The following RBFOX1 variants were observed in gnomAD, a reference collection of about 807,000 sequenced individuals.
The protein encoded by RBFOX1 is RNA binding protein fox-1 homolog 1.
A neutral mutation model predicts 57.7 loss-of-function variants in RBFOX1; 8 were observed. That is an observed-to-expected ratio of 0.14 (90% CI 0.08 to 0.25). The LOEUF (loss-of-function observed/expected upper bound fraction) is 0.25, where lower values mean the gene tolerates loss of function less well. Ranked by LOEUF, RBFOX1 falls within the 10% of genes least tolerant of loss-of-function variation. RBFOX1 has a pLI of 1.00. For synonymous variants in RBFOX1, 326 were observed against 222.4 expected (o/e 1.47, Z -4.15); for missense variants, 611 against 548.5 (o/e 1.11, Z -1.14).
chr16:7,609,382 G>C (rs922168388), intron 10 of RBFOX1, among the ~76,000 whole-genome samples: 1 of 152,082 alleles, frequency 6.6e-6, no homozygotes, highest in Non-Finnish European at 1.5e-5. Context: ...TTGTGCTTTC[G>C]TAGCCACAGA....
chr16:6,919,849 G>C (rs2074075106), intron 3 of RBFOX1, among the ~76,000 whole-genome samples: 1 of 144,754 alleles, frequency 6.9e-6, no homozygotes, highest in Non-Finnish European at 1.5e-5. Context: ...TTAAGTTGCT[G>C]AGTGGTGATT....
intron 3 of RBFOX1, among the ~76,000 whole-genome samples, chr16:6,700,042 AG>A (rs1304910406): frequency 1.3e-5 from 2 of 152,112 alleles, no homozygotes; most frequent in Non-Finnish European, 2.9e-5. Flanking sequence ...GGCAAGAAAA[AG>A]CTTAAAACCT....
chr16:6,777,289 T>C (rs960618112), intron 3 of RBFOX1, among the ~76,000 whole-genome samples: 1 of 152,166 alleles, frequency 6.6e-6, no homozygotes, highest in Non-Finnish European at 1.5e-5. Context: ...ATGGAGTAAT[T>C]GATTAGTACT....
intron 3 of RBFOX1, among the ~76,000 whole-genome samples, chr16:6,824,620 C>T (rs189760777): frequency 1.1e-4 from 17 of 152,272 alleles, no homozygotes; most frequent in African/African-American, 3.8e-4. Context: ...CAACAGATTA[C>T]TCTGAAGAGA....
At chr16:5,453,765 T>C (rs911208902) in intron 1 of RBFOX1, among the ~76,000 whole-genome samples, 1 of 152,194 alleles carries the variant, frequency 6.6e-6, no homozygotes, top group Non-Finnish European at 1.5e-5. Flanking sequence ...CTCTAAGCAA[T>C]GTTGCCTAAA....
At chr16:6,405,370 G>C (rs1229184146) in intron 2 of RBFOX1, among the ~76,000 whole-genome samples, 1 of 152,142 alleles carries the variant, frequency 6.6e-6, no homozygotes, top group Non-Finnish European at 1.5e-5. Context: ...ATAAAACAAA[G>C]CTTTCATATG....
chr16:6,362,736 A>C (rs2088816583), intron 2 of RBFOX1, among the ~76,000 whole-genome samples: 1 of 152,210 alleles, frequency 6.6e-6, no homozygotes, highest in Non-Finnish European at 1.5e-5. Flanking sequence ...ATGCCTGTGC[A>C]GTGGCCTGTG....
chr16:5,446,647 TGGG>T (rs2068248334), intron 1 of RBFOX1, among the ~76,000 whole-genome samples: 1 of 152,040 alleles, frequency 6.6e-6, no homozygotes, highest in Non-Finnish European at 1.5e-5. Flanking sequence ...GGCAGGTAGA[TGGG>T]GGTGTGAGAG....
At chr16:7,363,108 C>G (rs2097361475) in intron 4 of RBFOX1, among the ~76,000 whole-genome samples, 1 of 152,126 alleles carries the variant, frequency 6.6e-6, no homozygotes, top group Admixed American at 6.5e-5. Context: ...GTGGATACTG[C>G]TGCTCTTACG....
At chr16:6,260,519 T>A (rs2097695398) in intron 1 of RBFOX1, among the ~76,000 whole-genome samples, 1 of 152,188 alleles carries the variant, frequency 6.6e-6, no homozygotes, top group African/African-American at 2.4e-5. Context: ...TAGGTTTTAA[T>A]TAAAAGCCAT....
At chr16:7,616,394 T>C (rs939014346) in intron 10 of RBFOX1, among the ~76,000 whole-genome samples, 1 of 152,184 alleles carries the variant, frequency 6.6e-6, no homozygotes, top group Admixed American at 6.5e-5. Context: ...CCAGCGTTTT[T>C]GTTAGTGGTT....
At chr16:5,965,130 G>T (rs181164393) in intron 4 of RBFOX1, among the ~76,000 whole-genome samples, 1 of 152,156 alleles carries the variant, frequency 6.6e-6, no homozygotes, top group African/African-American at 2.4e-5. Flanking sequence ...ACTCAGAGCT[G>T]GACGGTGGGA....
intron 11 of RBFOX1, among the ~76,000 whole-genome samples, chr16:7,647,233 GA>G: frequency 6.6e-6 from 1 of 152,308 alleles, no homozygotes; most frequent in Middle Eastern, 3.4e-3. Context: ...GGGTGGGCTG[GA>G]AATTCTCATG....
At chr16:6,444,068 C>T (rs1284764702) in intron 2 of RBFOX1, among the ~76,000 whole-genome samples, 1 of 152,112 alleles carries the variant, frequency 6.6e-6, no homozygotes, top group African/African-American at 2.4e-5. Context: ...CACTGATATT[C>T]ACAAAGCATA....
chr16:6,609,237 G>A (rs1362841462), intron 2 of RBFOX1, among the ~76,000 whole-genome samples: 1 of 152,230 alleles, frequency 6.6e-6, no homozygotes, highest in Non-Finnish European at 1.5e-5. Context: ...TGGTTGTTGG[G>A]ATTACTGGGA....
chr16:5,314,918 G>A (rs771009582), intron 1 of RBFOX1, among the ~76,000 whole-genome samples: 2 of 151,704 alleles, frequency 1.3e-5, no homozygotes, highest in Non-Finnish European at 1.5e-5. Context: ...AAAAAATACC[G>A]TTTTGAATTT....
chr16:6,659,342 T>G (rs1302272592), intron 3 of RBFOX1, among the ~76,000 whole-genome samples: 1 of 151,266 alleles, frequency 6.6e-6, no homozygotes, highest in Non-Finnish European at 1.5e-5. Context: ...GGAGTTTGAG[T>G]GGTTTTCCAA....
intron 4 of RBFOX1, among the ~76,000 whole-genome samples, chr16:7,158,154 C>T (rs1332819019): frequency 3.3e-5 from 5 of 152,074 alleles, no homozygotes; most frequent in Non-Finnish European, 7.4e-5. Context: ...CGAGAACAGC[C>T]TGGCCAACAT....
intron 2 of RBFOX1, among the ~76,000 whole-genome samples, chr16:6,497,606 G>T (rs1311804596): frequency 6.6e-6 from 1 of 151,226 alleles, no homozygotes; most frequent in Non-Finnish European, 1.5e-5. Context: ...ACCCAGGCTG[G>T]ACTGCAGTGG....
Sources: gnomAD v4.1 joint callset for allele counts (sites outside exome capture counted in the v4.1 genomes callset) on GRCh38, gnomAD v4.1.1 for gene constraint, MANE v1.5 for transcripts, NCBI Gene and HGNC (gene_info 2026-07-23, HGNC 2026-07-21) for gene names.